BMP8B: variants seen among roughly 807,000 people sequenced by gnomAD.
The protein encoded by BMP8B is bone morphogenetic protein 8 (osteogenic protein 2).
Under a neutral mutation model 30.3 loss-of-function variants are expected in BMP8B, and 17 were observed. That is an observed-to-expected ratio of 0.56 (90% CI 0.38 to 0.84). The LOEUF is 0.84. Among genes scored for constraint, BMP8B ranks in the 40% least tolerant of loss-of-function variants. The pLI is 0.00. For missense variants in BMP8B, 253 were observed against 494.6 expected (o/e 0.51, Z 4.63); for synonymous variants, 131 against 214.7 (o/e 0.61, Z 3.41).
At chr1:39,775,578 G>A (rs1213435289) in intron 1 of BMP8B, among the ~76,000 whole-genome samples, 1 of 152,228 alleles carries the variant, frequency 6.6e-6, no homozygotes, top group Non-Finnish European at 1.5e-5. Flanking sequence ...AGCTGAGCTG[G>A]GCTGAGGCAT....
chr1:39,763,094 G>C lies in BMP8B; in HGVS notation c.1057C>G (p.Leu353Val), dbSNP rs772347724. The C allele has an allele frequency of 6.2e-7, 1 of 1,613,724 alleles. No homozygotes were observed. The highest frequency in any genetic ancestry group is 1.7e-5 in the Admixed American group (1 of 60,018). ...GGCAGGATGGGCATGGTACTGACCA[G>C]GGACTGCAGGATGGCGTGGTTGGTG... is the stretch of plus-strand genomic sequence containing the variant. ...NATNHAILQS[L>V]VHLMMPDAVP... Residue 353 changes from leucine (L) to valine (V), a missense_variant and splice_region_variant, in exon 6 of 7, where the codon CTG becomes GTG. Leu to Val is a conservative substitution (Grantham distance 32). Coordinates refer to ENST00000372827, the MANE Select transcript of BMP8B (RefSeq NM_001720.5).
Position 39,769,700 on chromosome 1 carries a change from C to A in BMP8B, c.673+4608G>T, listed in dbSNP as rs745929984. The A allele has an allele frequency of 1.6e-5, 25 of 1,605,032 alleles. No individual in the cohort carries two copies. In the African/African-American group the frequency reaches 3.1e-4, roughly 20 times the overall value. ...CACCACCCCGCCCAGATCCAGGTCC[C>A]GTCAGGGTGCCACCTGCTGCATGGG... On this transcript the variant is annotated intron_variant, in intron 3 of 6. Transcript: ENST00000372827.
chr1:39,760,319 A>G lies in BMP8B; in HGVS notation c.*100T>C, dbSNP rs1251805796. The G allele has an allele frequency of 1.0e-5, 16 of 1,545,614 alleles. No individual in the cohort carries two copies. The highest frequency in any genetic ancestry group is 1.4e-5 in the Non-Finnish European group (16 of 1,144,660). ...GTGGTTGTGAGGGTCCTCCCTGGCA[A>G]TGCCCCGGCCTGGGGTCTGGCTGGG... is the stretch of plus-strand genomic sequence containing the variant. On this transcript the variant is annotated 3_prime_UTR_variant, in exon 7 of 7. Transcript: ENST00000372827.
At chr1:39,763,235 A>G in intron 5 of BMP8B, 33 bp from the exon 6 acceptor site, 5 of 1,569,754 alleles carry the variant, frequency 3.2e-6, no homozygotes, top group Non-Finnish European at 4.4e-6. Flanking sequence ...AGTCCCATCC[A>G]TGTGCCCCTC....
chr1:39,768,968 C>G (rs1649769089), intron 3 of BMP8B, among the ~76,000 whole-genome samples: 1 of 150,504 alleles, frequency 6.6e-6, no homozygotes. Context: ...CGCTTGAGCT[C>G]AAGTGTCCAA....
chr1:39,770,500 C>T lies in BMP8B; in HGVS notation c.673+3808G>A, dbSNP rs769932771. On this transcript the variant is annotated intron_variant, in intron 3 of 6. Transcript: ENST00000372827. ...CGTGGATGTCTTCTGGGGGGAAAGC[C>T]CCCACCTCCACGATCTCTTCCACCT... 43 of 1,610,290 alleles carry T rather than the reference C, an allele frequency of 2.7e-5. 5 individuals are homozygous for T. In the East Asian group the frequency reaches 6.4e-4, roughly 24 times the overall value.
chr1:39,776,164 A>G (rs1049911206), intron 1 of BMP8B, among the ~76,000 whole-genome samples: 1 of 152,216 alleles, frequency 6.6e-6, no homozygotes, highest in African/African-American at 2.4e-5. Flanking sequence ...GTGAGGGTAG[A>G]GGCCAGGCTG....
chr1:39,771,219 G>C, intron 3 of BMP8B: 1 of 1,529,472 alleles, frequency 6.5e-7, no homozygotes, highest in Non-Finnish European at 8.8e-7. Flanking sequence ...GGGACCCCGC[G>C]CCCGAGCACT....
At chr1:39,786,451 C>T (rs988462214) in intron 1 of BMP8B, among the ~76,000 whole-genome samples, 4 of 152,162 alleles carry the variant, frequency 2.6e-5, no homozygotes, top group African/African-American at 9.7e-5. Context: ...CAAGGAGCAA[C>T]GAAGGCTGAG....
At chr1:39,775,128 C>G in intron 1 of BMP8B, 90 bp from the exon 2 acceptor site, 1 of 1,573,308 alleles carries the variant, frequency 6.4e-7, no homozygotes, top group South Asian at 1.1e-5. Flanking sequence ...CCCCAGCCAC[C>G]CACCACTCAA....
rs1648453246 is a variant in BMP8B, at chr1:39,757,835, C to T, written c.*2584G>A. 1 of 152,216 alleles carries T rather than the reference C, an allele frequency of 6.6e-6. No individual in the cohort carries two copies. Among genetic ancestry groups the T allele is most frequent in the South Asian group, 2.1e-4 (1 of 4,830 alleles). The allele number at this position is 152,216 out of a possible 1,614,324, so 9.4% of individuals were successfully genotyped here. A position where few individuals can be genotyped will look rare whatever the true frequency, so the allele number is the denominator to read the frequency against. ...ACTTTGTGTTCATTCACAATTGTTT[C>T]ATTGCTCAAGGGATTTTTCTATTTT... On this transcript the variant is annotated 3_prime_UTR_variant, in exon 7 of 7. Coordinates refer to ENST00000372827, the MANE Select transcript of BMP8B (RefSeq NM_001720.5).
intron 6 of BMP8B, 35 bp downstream of exon 6, chr1:39,763,057 C>T: frequency 1.2e-6 from 2 of 1,607,876 alleles, no homozygotes; most frequent in Non-Finnish European, 1.7e-6. Context: ...GGCCCCCCAC[C>T]CCAGGGGGCT....
intron 3 of BMP8B, among the ~76,000 whole-genome samples, chr1:39,766,667 A>G (rs1388528002): frequency 1.4e-5 from 2 of 142,878 alleles, no homozygotes; most frequent in African/African-American, 5.6e-5. Context: ...TCTCACGAGC[A>G]TGGACAAGAG....
Position 39,758,869 on chromosome 1 carries a change from TC to T in BMP8B, c.*1549del, listed in dbSNP as rs1227536323. 1.3e-5 allele frequency: 2 copies of T among 152,206 alleles called. No homozygotes were observed. Among genetic ancestry groups the T allele is most frequent in the Non-Finnish European group, 2.9e-5 (2 of 68,054 alleles). The allele number at this position is 152,206 out of a possible 1,614,324, so 9.4% of individuals were successfully genotyped here. ...CCTGGTCCAGGTGGAGGGGCTGCTG[TC>T]CCGCAGTGTGGCCCCAGCCTCCACC... On this transcript the variant is annotated 3_prime_UTR_variant, in exon 7 of 7. Transcript: ENST00000372827.
intron 1 of BMP8B, among the ~76,000 whole-genome samples, chr1:39,785,989 C>T (rs1285021177): frequency 6.6e-6 from 1 of 152,190 alleles, no homozygotes; most frequent in Non-Finnish European, 1.5e-5. Flanking sequence ...GCGCTGGAGG[C>T]CCCAAGTCTT....
chr1:39,769,874 C>A (rs1466866316), intron 3 of BMP8B: 5 of 1,610,704 alleles, frequency 3.1e-6, no homozygotes, highest in Non-Finnish European at 4.2e-6. Context: ...GTCCACGCAC[C>A]GCTTCCCGGT....
chr1:39,785,994 A>G (rs962096207), intron 1 of BMP8B, among the ~76,000 whole-genome samples: 6 of 152,176 alleles, frequency 3.9e-5, no homozygotes, highest in African/African-American at 1.2e-4. Flanking sequence ...GGAGGCCCCA[A>G]GTCTTCATGA....
chr1:39,781,603 C>A (rs192345058), intron 1 of BMP8B, among the ~76,000 whole-genome samples: 2 of 152,132 alleles, frequency 1.3e-5, no homozygotes, highest in Non-Finnish European at 2.9e-5. Flanking sequence ...GACACTGGGT[C>A]GGAAAGTTTA....
At chr1:39,770,515 C>T (rs745672114) in intron 3 of BMP8B, 1 of 1,610,440 alleles carries the variant, frequency 6.2e-7, no homozygotes, top group Non-Finnish European at 8.5e-7. Context: ...CCTCCACGAT[C>T]TCTTCCACCT....
Sources: allele counts gnomAD v4.1 joint callset (sites outside exome capture counted in the v4.1 genomes callset), GRCh38; gene constraint gnomAD v4.1.1; transcripts MANE v1.5; gene names NCBI Gene and HGNC (gene_info 2026-07-23, HGNC 2026-07-21).